CDYL2: variants seen among roughly 807,000 people sequenced by gnomAD.
The protein encoded by CDYL2 is chromodomain Y-like protein 2.
In CDYL2, 23 loss-of-function variants were observed where a neutral mutation model predicts 49.4. The ratio of observed to expected loss-of-function variants is 0.47; its 90% CI spans 0.34 to 0.66. The LOEUF (loss-of-function observed/expected upper bound fraction) is 0.66. Ranked by LOEUF, CDYL2 falls within the 30% of genes least tolerant of loss-of-function variation. The pLI is 0.01. For missense variants in CDYL2, 678 were observed against 656.4 expected, an observed-to-expected ratio of 1.03 and a Z score of -0.36; for synonymous variants, 360 against 268.8, an observed-to-expected ratio of 1.34 and a Z score of -3.32.
At position 80,804,300 on chromosome 16, in the gene CDYL2, T is replaced by TTTTGCAGAC. The variant is rs1161695753; in HGVS notation, c.-128_-127insGTCTGCAAA. 2.6e-5 allele frequency: 20 copies of TTTTGCAGAC among 777,856 alleles called. No homozygotes were observed. The East Asian group carries it at 9.5e-4, about 37-fold the overall frequency. 48.2% of individuals were successfully genotyped at this position (777,856 alleles called of 1,614,324 possible). The stretch of plus-strand genomic sequence containing the variant: ...GTGTGTGCGAGTGTGTGTGGTGTGT[T>TTTTGCAGAC]GAGTAAACTGTGTTTTTGCAGAATG... On this transcript the variant is annotated 5_prime_UTR_variant, in exon 1 of 7. Coordinates refer to ENST00000570137, the MANE Select transcript of CDYL2 (RefSeq NM_152342.4).
At chr16:80,618,975 T>C (rs936740802) in intron 4 of CDYL2, among the ~76,000 whole-genome samples, 8 of 152,192 alleles carry the variant, frequency 5.3e-5, no homozygotes, top group Admixed American at 2.6e-4. Flanking sequence ...TCTCTCATAG[T>C]TCTGGAGACC....
At chr16:80,786,762 C>A (rs1907449531) in intron 1 of CDYL2, among the ~76,000 whole-genome samples, 1 of 152,084 alleles carries the variant, frequency 6.6e-6, no homozygotes. Context: ...GAGTTCATGT[C>A]CCTTGTAGGG....
rs141322675 is a variant in CDYL2, at chr16:80,697,826, G to A, written c.25-12697C>T. Among the ~76,000 whole-genome samples the A allele has an allele frequency of 8.9e-3, 1,344 of 151,730 alleles. 11 individuals carry two copies. The highest frequency in any genetic ancestry group is 0.014 in the Non-Finnish European group (977 of 67,916). On this transcript the variant is annotated intron_variant, in intron 1 of 6. Coordinates refer to ENST00000570137, the MANE Select transcript of CDYL2 (RefSeq NM_152342.4). ...AGCTACAAAAACATAAAATACCTAG[G>A]AATAAATTTAACCAAGGAGATGAAA...
intron 1 of CDYL2, among the ~76,000 whole-genome samples, chr16:80,708,059 C>T (rs527388156): frequency 7.2e-5 from 11 of 152,296 alleles, no homozygotes; most frequent in African/African-American, 2.6e-4. Flanking sequence ...CCCTTTCCCC[C>T]TTCATGCCCC....
intron 1 of CDYL2, among the ~76,000 whole-genome samples, chr16:80,799,361 C>T (rs911544204): frequency 2.0e-5 from 3 of 152,184 alleles, no homozygotes; most frequent in Non-Finnish European, 4.4e-5. Context: ...CACTTCCCCA[C>T]TGTACCGTAA....
chr16:80,725,290 T>A (rs73595128), intron 1 of CDYL2, among the ~76,000 whole-genome samples: 4,460 of 152,334 alleles, frequency 0.029, 228 homozygotes, highest in African/African-American at 0.1. Context: ...GCATCTTCCC[T>A]GACATCCCTG....
chr16:80,628,712 GC>G (rs1356834455), intron 3 of CDYL2, among the ~76,000 whole-genome samples: 2 of 152,270 alleles, frequency 1.3e-5, no homozygotes, highest in African/African-American at 4.8e-5. Flanking sequence ...AGCTAAAATA[GC>G]ATACTTACCA....
chr16:80,728,540 A>G (rs1597102928), intron 1 of CDYL2, among the ~76,000 whole-genome samples: 2 of 152,250 alleles, frequency 1.3e-5, no homozygotes, highest in East Asian at 3.8e-4. Context: ...ATCATCCAGG[A>G]GAACTTGCCC....
At chr16:80,753,646 T>C (rs145378448) in intron 1 of CDYL2, among the ~76,000 whole-genome samples, 65 of 152,008 alleles carry the variant, frequency 4.3e-4, no homozygotes, top group African/African-American at 1.6e-3. Flanking sequence ...ATCCATCACC[T>C]CTCTAAACAC....
chr16:80,616,265 T>G (rs550442696), intron 4 of CDYL2, among the ~76,000 whole-genome samples: 1 of 152,314 alleles, frequency 6.6e-6, no homozygotes, highest in African/African-American at 2.4e-5. Context: ...TTGCCCCAGA[T>G]AGGGAGCTGA....
intron 2 of CDYL2, among the ~76,000 whole-genome samples, chr16:80,661,919 A>C (rs1909061148): frequency 6.6e-6 from 1 of 152,130 alleles, no homozygotes; most frequent in Non-Finnish European, 1.5e-5. Flanking sequence ...CGCATGCTTA[A>C]CCCAGTGTTC....
At chr16:80,629,014 G>A (rs1038988742) in intron 3 of CDYL2, among the ~76,000 whole-genome samples, 7 of 152,168 alleles carry the variant, frequency 4.6e-5, no homozygotes, top group African/African-American at 1.2e-4. Context: ...TAAAGGCCCC[G>A]GGGCAGGTGT....
chr16:80,744,061 C>G (rs75377108), intron 1 of CDYL2, among the ~76,000 whole-genome samples: 50,694 of 151,752 alleles, frequency 0.33, 8,572 homozygotes, highest in East Asian at 0.41. Flanking sequence ...ATGTTCAAAA[C>G]CCCCAGGAAT....
At chr16:80,635,329 G>A (rs1245249635) in intron 2 of CDYL2, among the ~76,000 whole-genome samples, 3 of 152,124 alleles carry the variant, frequency 2.0e-5, no homozygotes, top group African/African-American at 7.2e-5. Context: ...CATCATCTCA[G>A]CCCAAAATCT....
rs936945640 is a variant in CDYL2 at position 80,604,369 on chromosome 16, G to T, written c.*19C>A. 5 of 1,613,358 alleles carry T rather than the reference G, an allele frequency of 3.1e-6. No individual in the cohort carries two copies. The African/African-American group carries it at 6.7e-5, about 22-fold the overall frequency. ...CACAGGGCAGAGCTGGAAGTTGGGGGCCCGTGAGCTGGGGCCCCTCAGACT... is the reference window on the plus strand; with the variant it reads ...CACAGGGCAGAGCTGGAAGTTGGGGTCCCGTGAGCTGGGGCCCCTCAGACT... On this transcript the variant is annotated 3_prime_UTR_variant, in exon 7 of 7. Coordinates refer to ENST00000570137, the MANE Select transcript of CDYL2 (RefSeq NM_152342.4).
chr16:80,799,068 C>G (rs1259575469), intron 1 of CDYL2, among the ~76,000 whole-genome samples: 1 of 151,520 alleles, frequency 6.6e-6, no homozygotes, highest in Non-Finnish European at 1.5e-5. Flanking sequence ...AAATAGGTTA[C>G]AAAGAATATG....
chr16:80,753,413 A>T lies in CDYL2; in HGVS notation c.24+50737T>A, dbSNP rs189837761. Among the ~76,000 whole-genome samples, 804 of 152,290 alleles carry T rather than the reference A, an allele frequency of 5.3e-3. 13 individuals are homozygous for T. The highest frequency in any genetic ancestry group is 0.036 in the South Asian group (175 of 4,830). On this transcript the variant is annotated intron_variant, in intron 1 of 6. Transcript: ENST00000570137. ...CACCTGAAGTCGGGAGTTCGAGACC[A>T]GCCTGACCAACATGGAGAAACCCCA...
chr16:80,742,343 G>C (rs1905767140), intron 1 of CDYL2: 1 of 152,196 alleles, frequency 6.6e-6, no homozygotes, highest in African/African-American at 2.4e-5. Context: ...GGGATGGATG[G>C]ATGGACTGAC....
chr16:80,634,807 G>T (rs1392171639), intron 2 of CDYL2, among the ~76,000 whole-genome samples: 3 of 152,034 alleles, frequency 2.0e-5, no homozygotes, highest in East Asian at 3.9e-4. Flanking sequence ...ATAAAAAAAA[G>T]AAATTGAAGG....
Sources: gnomAD v4.1 joint callset for allele counts (sites outside exome capture counted in the v4.1 genomes callset) on GRCh38, gnomAD v4.1.1 for gene constraint, MANE v1.5 for transcripts, NCBI Gene and HGNC (gene_info 2026-07-23, HGNC 2026-07-21) for gene names.